DAB2IP: variants seen among roughly 807,000 people sequenced by gnomAD.
DAB2IP encodes DAB2 interacting protein.
In DAB2IP, 28 loss-of-function variants were observed where a neutral mutation model predicts 107.2. The ratio of observed to expected loss-of-function variants is 0.26; its 90% confidence interval spans 0.19 to 0.36. The LOEUF (loss-of-function observed/expected upper bound fraction) is 0.36, where lower values mean the gene tolerates loss of function less well. Among genes scored for constraint, DAB2IP ranks in the 10% least tolerant of loss-of-function variants. The pLI is 1.00. For synonymous variants in DAB2IP, 755 were observed against 706.4 expected (o/e 1.07, Z -1.09); for missense variants, 1,400 against 1,644.7 (o/e 0.85, Z 2.57).
At chr9:121,588,739 C>T (rs1008912105) in intron 1 of DAB2IP, among the ~76,000 whole-genome samples, 11 of 152,020 alleles carry the variant, frequency 7.2e-5, no homozygotes, top group East Asian at 5.8e-4. Context: ...CTGGGATGCC[C>T]CTTCAGAGTC....
At chr9:121,651,456 C>T (rs1417452792), upstream of DAB2IP, 1 of 168,104 alleles carries the variant, frequency 5.9e-6, no homozygotes, top group Admixed American at 6.5e-5. This position sits in a 1 kb window ranked among gnomAD's most constrained non-coding sequence, Gnocchi z 5.1. Context: ...CTCGGGACGA[C>T]CCGTCTGGGG....
chr9:121,778,913 G>A (rs1008014490), intron 14 of DAB2IP, among the ~76,000 whole-genome samples: 1 of 151,774 alleles, frequency 6.6e-6, no homozygotes. Context: ...TAGTTGGATT[G>A]TGATGTTCAT....
intron 6 of DAB2IP, among the ~76,000 whole-genome samples, chr9:121,762,094 G>A (rs940268715): frequency 7.2e-5 from 11 of 152,278 alleles, no homozygotes; most frequent in African/African-American, 2.4e-4. Context: ...GGGGTGACAG[G>A]TACCTAAGCC....
chr9:121,647,168 C>T (rs1832567697), upstream of DAB2IP, among the ~76,000 whole-genome samples: 1 of 152,092 alleles, frequency 6.6e-6, no homozygotes, highest in Non-Finnish European at 1.5e-5. Context: ...TGAGCATCTC[C>T]CCTTCCCTGG....
chr9:121,767,408 C>T (rs1373389450), intron 9 of DAB2IP, among the ~76,000 whole-genome samples: 1 of 152,166 alleles, frequency 6.6e-6, no homozygotes, highest in East Asian at 1.9e-4. Context: ...TAGACACACA[C>T]GAGCCTCTTA....
intron 3 of DAB2IP, among the ~76,000 whole-genome samples, chr9:121,710,457 C>T (rs967237855): frequency 2.0e-5 from 3 of 152,138 alleles, no homozygotes; most frequent in African/African-American, 7.2e-5. Flanking sequence ...CTCCTATTTG[C>T]AACTTATCAC....
intron 10 of DAB2IP, among the ~76,000 whole-genome samples, chr9:121,768,921 C>T (rs949193344): frequency 1.3e-5 from 2 of 152,228 alleles, no homozygotes; most frequent in Admixed American, 6.5e-5. Context: ...CCTGCCAGAG[C>T]ATGTGAGAAA....
chr9:121,740,423 C>T (rs1832258522), intron 3 of DAB2IP, among the ~76,000 whole-genome samples: 1 of 152,214 alleles, frequency 6.6e-6, no homozygotes, highest in African/African-American at 2.4e-5. Flanking sequence ...GGGTCCACGG[C>T]CCCTAAATAA....
chr9:121,768,314 T>C (rs942359410), intron 9 of DAB2IP, 118 bp from the exon 10 acceptor site: 1 of 1,075,646 alleles, frequency 9.3e-7, no homozygotes, highest in Non-Finnish European at 1.4e-6. Context: ...ACTTGGGGAG[T>C]GAATGGAGTG....
chr9:121,768,721 A>G, intron 10 of DAB2IP, 88 bp downstream of exon 10: 3 of 1,542,174 alleles, frequency 1.9e-6, no homozygotes, highest in South Asian at 2.3e-5. Flanking sequence ...TGGAGGGCAG[A>G]GAGTTTGCCC....
Position 121,782,886 on chromosome 9 carries a change from G to GA in DAB2IP, c.*389dup. ...CAGGGAGGGGGCTTCCTGGAGGGGG[G>GA]ATTCAAGGGCTAGGGGCCTACACCT... On this transcript the variant is annotated 3_prime_UTR_variant, in exon 16 of 16. Transcript: ENST00000408936. This position sits in a 1 kb window ranked among gnomAD's most constrained non-coding sequence, Gnocchi z 6.1. 1 of 1,048,084 alleles carries GA rather than the reference G, an allele frequency of 9.5e-7. No homozygotes were observed. Among genetic ancestry groups the GA allele is most frequent in the Non-Finnish European group, 1.1e-6 (1 of 869,582 alleles). The allele number at this position is 1,048,084 out of a possible 1,614,324, so 64.9% of individuals were successfully genotyped here.
chr9:121,756,995 C>A lies in DAB2IP; in HGVS notation c.363-18C>A, dbSNP rs562676764. On this transcript the variant is annotated intron_variant, in intron 3 of 15. Coordinates refer to ENST00000408936, the Ensembl canonical transcript of DAB2IP. ...CCGGGCTGTGGGGGCCCACCTGACA[C>A]ACCTACTGCCACCCCAGGTCCCATC... is the stretch of plus-strand genomic sequence containing the variant. 2.0e-5 allele frequency: 32 copies of A among 1,613,644 alleles called. No homozygotes were observed. Among genetic ancestry groups the A allele is most frequent in the African/African-American group, 4.0e-5 (3 of 75,056 alleles).
At chr9:121,703,535 C>T (rs1274767057) in intron 3 of DAB2IP, among the ~76,000 whole-genome samples, 1 of 152,094 alleles carries the variant, frequency 6.6e-6, no homozygotes. Context: ...CTTTTGCAGC[C>T]TCAGTTTGCT....
chr9:121,737,238 G>C, intron 3 of DAB2IP: 1 of 985,370 alleles, frequency 1.0e-6, no homozygotes, highest in Non-Finnish European at 1.2e-6. Flanking sequence ...GGCTGGAAGC[G>C]ATAGTTTGCT....
chr9:121,601,033 A>T (rs1357048625), intron 1 of DAB2IP, among the ~76,000 whole-genome samples: 1 of 152,156 alleles, frequency 6.6e-6, no homozygotes, highest in Non-Finnish European at 1.5e-5. Flanking sequence ...AAGTGCACAG[A>T]TGCACACACC....
chr9:121,602,122 C>A (rs936038463), intron 1 of DAB2IP, among the ~76,000 whole-genome samples: 1 of 152,082 alleles, frequency 6.6e-6, no homozygotes, highest in South Asian at 2.1e-4. Flanking sequence ...AGGAAGAGAA[C>A]GTGGAATATA....
intron 11 of DAB2IP, among the ~76,000 whole-genome samples, chr9:121,771,469 G>A (rs977130786): frequency 6.6e-6 from 1 of 152,168 alleles, no homozygotes; most frequent in Admixed American, 6.5e-5. Context: ...GCAGGGGAGG[G>A]TGCTGAGATC....
chr9:121,636,705 G>C (rs944940484), intron 1 of DAB2IP, among the ~76,000 whole-genome samples: 38 of 152,338 alleles, frequency 2.5e-4, no homozygotes, highest in Middle Eastern at 3.4e-3. Flanking sequence ...TCCCCACATT[G>C]TTCTGAACCG....
At chr9:121,765,037 C>T (rs527561769) in intron 8 of DAB2IP, among the ~76,000 whole-genome samples, 14 of 152,310 alleles carry the variant, frequency 9.2e-5, no homozygotes, top group African/African-American at 3.1e-4. Context: ...GCACCCAGGG[C>T]CTTAGCCCCT....
Sources: gnomAD v4.1 joint callset for allele counts (sites outside exome capture counted in the v4.1 genomes callset) on GRCh38, gnomAD v4.1.1 for gene constraint, Gnocchi (gnomAD v3.1) non-coding constraint, MANE v1.5 for transcripts, NCBI Gene and HGNC (gene_info 2026-07-23, HGNC 2026-07-21) for gene names.